KDM4C: variants seen among roughly 807,000 people sequenced by gnomAD.
The protein encoded by KDM4C is lysine demethylase 4C.
A neutral mutation model predicts 129.3 loss-of-function variants in KDM4C; 81 were observed. The ratio of observed to expected loss-of-function variants is 0.63; its 90% CI spans 0.52 to 0.75. KDM4C has a LOEUF of 0.75. Ranked by LOEUF, KDM4C falls within the 30% of genes least tolerant of loss-of-function variation. KDM4C has a pLI of 0.00. For synonymous variants in KDM4C, 573 were observed against 456.1 expected (o/e 1.26, Z -3.26); for missense variants, 1,457 against 1,304.0 (o/e 1.12, Z -1.81).
intron 1 of KDM4C, among the ~76,000 whole-genome samples, chr9:6,744,743 A>C (rs1436206885): frequency 2.0e-5 from 3 of 151,310 alleles, no homozygotes; most frequent in Non-Finnish European, 2.9e-5. Flanking sequence ...TCCTTGTTGG[A>C]GGTTTGGGCA....
intron 8 of KDM4C, among the ~76,000 whole-genome samples, chr9:6,913,361 C>T (rs1332966821): frequency 6.6e-6 from 1 of 152,162 alleles, no homozygotes; most frequent in Admixed American, 6.5e-5. Context: ...GTGAAACAAA[C>T]CCATTTGTTG....
rs1236917575 is a variant in KDM4C, at chr9:6,828,437, G to A, written c.435+13692G>A. ...GCTGGGATTACAGGTGTGAGCCACC[G>A]TGCCCGGCCATCTCTGGAATAAGTT... On this transcript the variant is annotated intron_variant, in intron 4 of 21. Transcript: ENST00000381309. Among the ~76,000 whole-genome samples, 4 of 151,304 alleles carry A rather than the reference G, an allele frequency of 2.6e-5. No homozygotes were observed. The East Asian group carries it at 6.0e-4, about 23-fold the overall frequency.
intron 4 of KDM4C, among the ~76,000 whole-genome samples, chr9:6,843,866 C>G (rs1025232514): frequency 1.3e-5 from 2 of 152,020 alleles, no homozygotes; most frequent in Admixed American, 1.3e-4. Flanking sequence ...CCATCTTTTT[C>G]TTTTTGAGAC....
At chr9:7,016,275 C>T (rs1823659391) in intron 15 of KDM4C, among the ~76,000 whole-genome samples, 1 of 151,846 alleles carries the variant, frequency 6.6e-6, no homozygotes, top group Non-Finnish European at 1.5e-5. Context: ...CTACAGGCAC[C>T]CGCCACCACG....
intron 4 of KDM4C, among the ~76,000 whole-genome samples, chr9:6,831,455 GC>G (rs979900090): frequency 3.3e-4 from 50 of 152,024 alleles, no homozygotes; most frequent in African/African-American, 1.2e-3. Context: ...TAATTCTCCT[GC>G]CATAGCCTTC....
intron 15 of KDM4C, among the ~76,000 whole-genome samples, chr9:7,042,011 C>T (rs546603160): frequency 7.2e-5 from 11 of 151,978 alleles, no homozygotes; most frequent in African/African-American, 1.4e-4. Flanking sequence ...TTTTGTTTCC[C>T]GCTAAACAGC....
At chr9:7,133,146 A>T (rs1208496119) in intron 19 of KDM4C, among the ~76,000 whole-genome samples, 1 of 152,228 alleles carries the variant, frequency 6.6e-6, no homozygotes, top group Non-Finnish European at 1.5e-5. Flanking sequence ...GAAAGGAGCA[A>T]ATAAACTAAA....
chr9:6,911,401 G>C (rs1819280154), intron 8 of KDM4C, among the ~76,000 whole-genome samples: 1 of 152,158 alleles, frequency 6.6e-6, no homozygotes, highest in Admixed American at 6.5e-5. Flanking sequence ...TCTTCAGTGT[G>C]CGTAATTGCA....
At position 7,014,021 on chromosome 9, in the gene KDM4C, A is replaced by G. The variant is rs1396904378; in HGVS notation, c.2182+20A>G. 1 of 1,587,426 alleles carries G rather than the reference A, an allele frequency of 6.3e-7. No individual in the cohort carries two copies. Among genetic ancestry groups the G allele is most frequent in the African/African-American group, 1.3e-5 (1 of 74,074 alleles). The stretch of plus-strand genomic sequence containing the variant: ...ATGCAAGTAAATGGATCTATAATTC[A>G]TCAATCACTGGCTTTTCAGCATTTC... On this transcript the variant is annotated intron_variant, in intron 14 of 21. Coordinates refer to ENST00000381309, the MANE Select transcript of KDM4C (RefSeq NM_015061.6).
In KDM4C at chr9:7,123,941, T is replaced by C. The variant is rs1359012770; in HGVS notation, c.2611-4125T>C. On this transcript the variant is annotated intron_variant, in intron 18 of 21. Transcript: ENST00000381309. ...CACTCATCCATGCCAATGACTCAGA[T>C]ACCATAGGAAAGTGGTTGACTCACC... 2.6e-5 allele frequency among the ~76,000 whole-genome samples: 4 copies of C among 152,330 alleles called. No homozygotes were observed. In the South Asian group the frequency reaches 8.3e-4, roughly 32 times the overall value.
chr9:6,967,450 A>G (rs971661534), intron 8 of KDM4C, among the ~76,000 whole-genome samples: 1 of 151,186 alleles, frequency 6.6e-6, no homozygotes, highest in Non-Finnish European at 1.5e-5. Flanking sequence ...AATTGTACAG[A>G]CTCTTGAGAA....
chr9:6,765,170 C>G (rs1326521392), intron 1 of KDM4C, among the ~76,000 whole-genome samples: 2 of 152,154 alleles, frequency 1.3e-5, no homozygotes, highest in Non-Finnish European at 2.9e-5. Context: ...ATTTAAAATT[C>G]CTGCCATATC....
intron 19 of KDM4C, among the ~76,000 whole-genome samples, chr9:7,139,284 CA>C (rs1841512010): frequency 6.6e-6 from 1 of 151,976 alleles, no homozygotes; most frequent in African/African-American, 2.4e-5. Flanking sequence ...TAAAAGAAAA[CA>C]AAAAAATAAA....
intron 4 of KDM4C, among the ~76,000 whole-genome samples, chr9:6,835,930 G>A (rs1368874133): frequency 6.6e-6 from 1 of 152,158 alleles, no homozygotes; most frequent in African/African-American, 2.4e-5. Flanking sequence ...GTCCTCCTCC[G>A]AGTCCACATA....
At chr9:6,826,968 G>C (rs1462493006) in intron 4 of KDM4C, among the ~76,000 whole-genome samples, 1 of 152,164 alleles carries the variant, frequency 6.6e-6, no homozygotes, top group East Asian at 1.9e-4. Context: ...GAAGGATGTG[G>C]GTGGGTGGAG....
Position 6,849,487 on chromosome 9 carries a change from TTTTTTCTCTCTC to T in KDM4C, c.436-19_436-8del. On this transcript the variant is annotated splice_polypyrimidine_tract_variant and splice_region_variant and intron_variant, in intron 4 of 21. Coordinates refer to ENST00000381309, the MANE Select transcript of KDM4C (RefSeq NM_015061.6). Reference sequence around the variant, plus strand: ...TTAGTAAGATTTGATTTCTCTCTCTTTTTTTCTCTCTCATTCCAGGGTGTGGATGAATGGAAC... The same window carrying T: ...TTAGTAAGATTTGATTTCTCTCTCTTATTCCAGGGTGTGGATGAATGGAAC... 1 of 1,518,580 alleles carries T rather than the reference TTTTTTCTCTCTC, an allele frequency of 6.6e-7. No homozygotes were observed. The highest frequency in any genetic ancestry group is 1.4e-5 in the South Asian group (1 of 73,260). The allele number at this position is 1,518,580 out of a possible 1,614,324, so 94.1% of individuals were successfully genotyped here.
At chr9:6,846,814 A>G (rs778242076) in intron 4 of KDM4C, among the ~76,000 whole-genome samples, 14 of 152,168 alleles carry the variant, frequency 9.2e-5, no homozygotes, top group Non-Finnish European at 1.9e-4. Context: ...GATATTTATT[A>G]TATCAGTTCT....
chr9:6,830,071 A>T (rs969692818), intron 4 of KDM4C, among the ~76,000 whole-genome samples: 1 of 152,100 alleles, frequency 6.6e-6, no homozygotes, highest in Non-Finnish European at 1.5e-5. Context: ...CTGTACCAAA[A>T]TTTTTTTTAG....
At chr9:6,984,085 G>GA (rs1817249348) in intron 9 of KDM4C, 81 bp from the exon 10 acceptor site, 1 of 853,950 alleles carries the variant, frequency 1.2e-6, no homozygotes, top group East Asian at 2.5e-5. Flanking sequence ...TTAAGCAAGT[G>GA]AAAATGACAT....
Sources: gnomAD v4.1 joint callset for allele counts (sites outside exome capture counted in the v4.1 genomes callset) on GRCh38, gnomAD v4.1.1 for gene constraint, MANE v1.5 for transcripts, NCBI Gene and HGNC (gene_info 2026-07-23, HGNC 2026-07-21) for gene names.